Variants in USO1 observed in about 807,000 individuals in gnomAD.
USO1 encodes the protein general vesicular transport factor p115.
USO1 carries 57 observed loss-of-function variants against 124.5 expected under a neutral mutation model. The ratio of observed to expected loss-of-function variants is 0.46; its 90% confidence interval spans 0.37 to 0.57. The LOEUF is 0.57. Ranked by LOEUF, USO1 falls within the 20% of genes least tolerant of loss-of-function variation. The probability of loss-of-function intolerance (pLI) is 0.00; values close to 1 mark genes in which losing one functional copy is unlikely to be tolerated. For missense variants in USO1, 900 were observed against 1,040.6 expected (o/e 0.86, Z 1.86); for synonymous variants, 369 against 362.8 (o/e 1.02, Z -0.19).
intron 9 of USO1, among the ~76,000 whole-genome samples, chr4:75,783,251 A>G (rs1358203778): frequency 6.6e-6 from 1 of 152,234 alleles, no homozygotes; most frequent in Non-Finnish European, 1.5e-5. Context: ...TTAAGTTCAA[A>G]TAAATTCATT....
At chr4:75,766,921 G>A (rs1487132509) in intron 4 of USO1, among the ~76,000 whole-genome samples, 3 of 152,158 alleles carry the variant, frequency 2.0e-5, no homozygotes, top group Non-Finnish European at 4.4e-5. Flanking sequence ...TAGTCATTTT[G>A]TAAATGAATG....
rs187795821 is a variant in USO1, at chr4:75,787,133, G to A, written c.927G>A (p.Gln309=). The part of the protein sequence containing the change: ...ATSSCQKAMF[Q]CGLLQQLCTI... ...GTAGCTGCCAGAAGGCTATGTTCCAGTGTGGGTTATTGCAGCAGCTTTGTA... is the reference window on the plus strand; with the variant it reads ...GTAGCTGCCAGAAGGCTATGTTCCAATGTGGGTTATTGCAGCAGCTTTGTA... Residue 309 remains glutamine, a synonymous_variant, in exon 10 of 24, where the codon CAG becomes CAA. Coordinates refer to ENST00000514213, the MANE Select transcript of USO1 (RefSeq NM_003715.4). 2 of 1,607,876 alleles carry A rather than the reference G, an allele frequency of 1.2e-6. No homozygotes were observed. The highest frequency in any genetic ancestry group is 3.4e-5 in the Admixed American group (2 of 59,218).
chr4:75,808,904 T>G, intron 20 of USO1, 49 bp from the exon 21 acceptor site: 2 of 1,516,282 alleles, frequency 1.3e-6, no homozygotes, highest in Non-Finnish European at 1.8e-6. Flanking sequence ...ATTTCCTTGA[T>G]GAATTTAATA....
chr4:75,767,739 T>C (rs1721807637), intron 4 of USO1, among the ~76,000 whole-genome samples: 1 of 152,254 alleles, frequency 6.6e-6, no homozygotes, highest in African/African-American at 2.4e-5. Flanking sequence ...GCATGGTACA[T>C]CATCTTGATT....
intron 1 of USO1, chr4:75,729,859 A>G (rs1436871249): frequency 1.3e-5 from 4 of 299,842 alleles, no homozygotes; most frequent in African/African-American, 9.0e-5. Context: ...AGAAGGGCTA[A>G]CAATATAAAC....
intron 1 of USO1, chr4:75,745,272 A>G (rs1416579538): frequency 4.0e-6 from 2 of 498,598 alleles, no homozygotes; most frequent in Non-Finnish European, 7.9e-6. Flanking sequence ...AACTTTCCCA[A>G]ATTGAGGCTT....
At chr4:75,726,788 T>A (rs1720477043) in intron 1 of USO1, among the ~76,000 whole-genome samples, 1 of 152,216 alleles carries the variant, frequency 6.6e-6, no homozygotes, top group African/African-American at 2.4e-5. Flanking sequence ...AGTCATACCA[T>A]AATCACAGCC....
intron 15 of USO1, 51 bp from the exon 16 acceptor site, chr4:75,800,567 T>C: frequency 6.5e-7 from 1 of 1,529,350 alleles, no homozygotes; most frequent in Non-Finnish European, 8.7e-7. Context: ...CTTTTATGTT[T>C]TGTTTTGATT....
chr4:75,747,976 C>T (rs568588486), intron 1 of USO1, among the ~76,000 whole-genome samples: 5 of 132,870 alleles, frequency 3.8e-5, no homozygotes, highest in South Asian at 2.6e-4. Context: ...GGTGCGATCT[C>T]GGCTCACCGC....
At chr4:75,756,632 G>A (rs28680723) in intron 3 of USO1, among the ~76,000 whole-genome samples, 53,065 of 150,292 alleles carry the variant, frequency 0.35, 11,485 homozygotes, top group African/African-American at 0.62. Flanking sequence ...TCAGCCTCCT[G>A]AGCAGCTGGG....
intron 4 of USO1, among the ~76,000 whole-genome samples, chr4:75,760,798 A>G (rs1429871361): frequency 6.6e-6 from 1 of 152,168 alleles, no homozygotes; most frequent in Admixed American, 6.5e-5. Flanking sequence ...CAGCTACTAA[A>G]TCTGTTTACT....
chr4:75,783,782 C>T (rs1722286714), intron 9 of USO1, among the ~76,000 whole-genome samples: 1 of 152,142 alleles, frequency 6.6e-6, no homozygotes, highest in Non-Finnish European at 1.5e-5. Flanking sequence ...TCTTTCACTT[C>T]AAAAGTGTCC....
intron 8 of USO1, 61 bp from the exon 9 acceptor site, chr4:75,782,615 ATGTT>A (rs1231929898): frequency 2.7e-6 from 4 of 1,487,932 alleles, no homozygotes; most frequent in Non-Finnish European, 2.7e-6. Flanking sequence ...CTTTTTAAAA[ATGTT>A]TGGGAGTTTT....
At position 75,793,857 on chromosome 4, in the gene USO1, C is replaced by T; in HGVS notation, c.1408C>T (p.Pro470Ser). 1 of 1,613,906 alleles carries T rather than the reference C, an allele frequency of 6.2e-7. No individual in the cohort carries two copies. Among genetic ancestry groups the T allele is most frequent in the Non-Finnish European group, 8.5e-7 (1 of 1,179,872 alleles). ...RVQLATSIGNPPVSLLQQCTN... is the reference protein window; with the variant it reads ...RVQLATSIGNSPVSLLQQCTN... ...TCAACTTGCTACAAGTATTGGCAAC[C>T]CTCCAGTTTCTTTACTTCAACAGTG... The change falls in exon 13 of 24, where the codon CCT (proline) becomes TCT (serine). Residue 470 changes from proline (P) to serine (S), a missense_variant. Physicochemically the swap from Pro to Ser is moderately conservative, Grantham distance 74. Around this residue, in one of 2 missense-constraint regions of USO1, gnomAD observed 538 missense variants for 681.6 expected, o/e 0.79. Transcript: ENST00000514213.
chr4:75,810,557 C>G lies in USO1; in HGVS notation c.2583+18C>G. The G allele has an allele frequency of 1.3e-6, 2 of 1,587,678 alleles. No individual in the cohort carries two copies. The highest frequency in any genetic ancestry group is 1.7e-6 in the Non-Finnish European group (2 of 1,169,818). ...AGTTAAAGGTTTGTTTTTGGTGCAA[C>G]TTTTATTTACTGCATATGATATGAA... On this transcript the variant is annotated intron_variant, in intron 22 of 23. Coordinates refer to ENST00000514213, the MANE Select transcript of USO1 (RefSeq NM_003715.4).
rs201882306 is a variant in USO1, at chr4:75,742,985, C to CTT, written c.67-9372_67-9371dup. On this transcript the variant is annotated intron_variant, in intron 1 of 23. Transcript: ENST00000514213. Reference sequence around the variant, plus strand: ...CATCTGGGAAAGTGAATAAGCATATCTTTTTTTTTTTTTTTTTGAGACAGA... The same window carrying CTT: ...CATCTGGGAAAGTGAATAAGCATATCTTTTTTTTTTTTTTTTTTTGAGACAGA... Among the ~76,000 whole-genome samples the CTT allele has an allele frequency of 7.8e-4, 109 of 139,748 alleles. 1 individual carries two copies. Among genetic ancestry groups the CTT allele is most frequent in the African/African-American group, 1.8e-3 (70 of 37,872 alleles). 91.7% of individuals were successfully genotyped at this position (139,748 alleles called of 152,430 possible).
intron 1 of USO1, among the ~76,000 whole-genome samples, chr4:75,731,253 CAG>C (rs1035970337): frequency 3.9e-5 from 6 of 152,096 alleles, no homozygotes; most frequent in African/African-American, 1.4e-4. Flanking sequence ...TTCTCAGTAA[CAG>C]AGTTAAATTT....
chr4:75,766,122 G>C (rs1254517061), intron 4 of USO1, among the ~76,000 whole-genome samples: 2 of 152,072 alleles, frequency 1.3e-5, no homozygotes, highest in African/African-American at 4.8e-5. Flanking sequence ...TTTAGAGTCA[G>C]TTACTTTTTT....
intron 1 of USO1, among the ~76,000 whole-genome samples, chr4:75,747,785 ATT>A (rs1275917693): frequency 1.6e-5 from 2 of 127,726 alleles, no homozygotes. Flanking sequence ...AATTTTTTGT[ATT>A]TTTTTTTTTA....
Sources: allele counts gnomAD v4.1 joint callset (sites outside exome capture counted in the v4.1 genomes callset), GRCh38; gene constraint gnomAD v4.1.1; regional missense constraint gnomAD v4.1.1; transcripts MANE v1.5; gene names NCBI Gene and HGNC (gene_info 2026-07-23, HGNC 2026-07-21).